PCCA: variants seen among roughly 807,000 people sequenced by gnomAD.
PCCA encodes propionyl-CoA carboxylase subunit alpha, also known as propionyl-CoA carboxylase alpha chain, mitochondrial.
Under a neutral mutation model 101.3 loss-of-function variants are expected in PCCA, and 74 were observed. That is an observed-to-expected ratio of 0.73 (90% CI 0.61 to 0.89). PCCA has a LOEUF of 0.89. Among genes scored for constraint, PCCA ranks in the 40% least tolerant of loss-of-function variants. PCCA has a pLI of 0.00. For synonymous variants in PCCA, 294 were observed against 313.6 expected (o/e 0.94, Z 0.66); for missense variants, 891 against 907.0 (o/e 0.98, Z 0.23).
chr13:100,217,071 T>C (rs1475067395), intron 7 of PCCA, among the ~76,000 whole-genome samples: 2 of 151,562 alleles, frequency 1.3e-5, no homozygotes, highest in Non-Finnish European at 1.5e-5. Flanking sequence ...ATCACGCCAT[T>C]GCACTCCAGC....
chr13:100,150,533 C>A (rs932139233), intron 4 of PCCA: 2 of 1,323,870 alleles, frequency 1.5e-6, no homozygotes, highest in Non-Finnish European at 2.1e-6. Flanking sequence ...AGCTCCCCGG[C>A]GAGAACCACC....
intron 19 of PCCA, among the ~76,000 whole-genome samples, chr13:100,371,624 C>A (rs1455982115): frequency 6.6e-6 from 1 of 152,152 alleles, no homozygotes; most frequent in African/African-American, 2.4e-5. Context: ...CTGAAGTGAT[C>A]TACAGATACA....
intron 12 of PCCA, among the ~76,000 whole-genome samples, chr13:100,285,588 T>C (rs1409667246): frequency 6.6e-6 from 1 of 152,124 alleles, no homozygotes; most frequent in African/African-American, 2.4e-5. Context: ...AATGGCATAC[T>C]AGGTGCCAAA....
At chr13:100,105,657 C>CAAAA (rs34277733) in intron 2 of PCCA, among the ~76,000 whole-genome samples, 14 of 75,842 alleles carry the variant, frequency 1.8e-4, no homozygotes, top group East Asian at 7.8e-4. Flanking sequence ...CTGTCTCTAC[C>CAAAA]AAAAAAAAAA....
intron 22 of PCCA, among the ~76,000 whole-genome samples, chr13:100,526,604 GGTGTGAGGGGCCAGGA>G (rs2087845953): frequency 6.6e-6 from 1 of 152,242 alleles, no homozygotes; most frequent in African/African-American, 2.4e-5. Context: ...TGGCCACAGT[GGTGTGAGGGGCCAGGA>G]GCCCCATGCC....
chr13:100,194,456 C>T lies in PCCA; in HGVS notation c.469-14876C>T, dbSNP rs558712555. On this transcript the variant is annotated intron_variant, in intron 6 of 23. Coordinates refer to ENST00000376285, the MANE Select transcript of PCCA (RefSeq NM_000282.4). ...TTTTTGAGACGGAGTCTCCCTCTGT[C>T]GCCCAGGCTGGAGTGCAGTGGTGCA... Among the ~76,000 whole-genome samples, 9 of 152,228 alleles carry T rather than the reference C, an allele frequency of 5.9e-5. No homozygotes were observed. In the East Asian group the frequency reaches 9.7e-4, roughly 16 times the overall value.
chr13:100,261,565 CA>C (rs2062520030), intron 9 of PCCA, among the ~76,000 whole-genome samples: 1 of 152,040 alleles, frequency 6.6e-6, no homozygotes. Context: ...GGGATTTCAT[CA>C]TGTTGGCCAG....
chr13:100,455,995 C>G (rs888183499), intron 21 of PCCA, among the ~76,000 whole-genome samples: 1 of 152,140 alleles, frequency 6.6e-6, no homozygotes, highest in Admixed American at 6.6e-5. Context: ...CCACCATGCC[C>G]GGCCATATGC....
intron 17 of PCCA, among the ~76,000 whole-genome samples, chr13:100,331,146 A>G (rs1171152461): frequency 1.3e-5 from 2 of 152,236 alleles, no homozygotes; most frequent in African/African-American, 2.4e-5. Flanking sequence ...GAAGTTTTCA[A>G]TAAAGTAATG....
At position 100,268,759 on chromosome 13, in the gene PCCA, A is replaced by G. The variant is rs2063109875; in HGVS notation, c.890A>G (p.Gln297Arg). The G allele has an allele frequency of 6.2e-7, 1 of 1,613,844 alleles. No homozygotes were observed. Residue 297 changes from glutamine (Q) to arginine (R), a missense_variant, in exon 11 of 24, where the codon CAG becomes CGG. By Grantham distance (43) the Gln-to-Arg change is conservative. Coordinates refer to ENST00000376285, the MANE Select transcript of PCCA (RefSeq NM_000282.4). Reference protein sequence around the residue: ...ERECSIQRRNQKVVEEAPSIF... With the variant: ...ERECSIQRRNRKVVEEAPSIF... ...GAGTGCTCAATTCAGAGAAGAAATC[A>G]GAAGGTGGTGGAGGAAGCACCAAGG...
At chr13:100,130,115 G>A (rs972586772) in intron 4 of PCCA, among the ~76,000 whole-genome samples, 1 of 152,166 alleles carries the variant, frequency 6.6e-6, no homozygotes, top group Non-Finnish European at 1.5e-5. Flanking sequence ...TCTCAAAATT[G>A]TGTTTTTGCT....
intron 21 of PCCA, among the ~76,000 whole-genome samples, chr13:100,458,361 TACACACACACACACAC>T (rs58649291): frequency 9.9e-6 from 1 of 101,376 alleles, no homozygotes; most frequent in Non-Finnish European, 1.9e-5. Context: ...ACCCCATCTC[TACACACACACACACAC>T]ACACACACAC....
intron 4 of PCCA, among the ~76,000 whole-genome samples, chr13:100,114,023 C>CT (rs1441570792): frequency 6.6e-6 from 1 of 151,722 alleles, no homozygotes; most frequent in Non-Finnish European, 1.5e-5. Context: ...ACTTTTTGAA[C>CT]TTTTTTGGTA....
rs1328234032 is a variant in PCCA at position 100,129,470 on chromosome 13, G to A, written c.300+17409G>A. On this transcript the variant is annotated intron_variant, in intron 4 of 23. Coordinates refer to ENST00000376285, the MANE Select transcript of PCCA (RefSeq NM_000282.4). ...ATGCTTCATCTTCTCCCTTCCCTTT[G>A]CTTCCTTGACCTTCCTCTTCCTCTC... 2.0e-5 allele frequency among the ~76,000 whole-genome samples: 3 copies of A among 151,930 alleles called. No homozygotes were observed. In the East Asian group the frequency reaches 5.8e-4, roughly 29 times the overall value.
intron 6 of PCCA, among the ~76,000 whole-genome samples, chr13:100,183,336 A>G (rs1434504464): frequency 6.6e-6 from 1 of 152,148 alleles, no homozygotes; most frequent in Non-Finnish European, 1.5e-5. Context: ...AGCTGGAAAG[A>G]CCTTGAAACT....
chr13:100,228,332 C>T (rs570212604), intron 7 of PCCA, among the ~76,000 whole-genome samples: 1 of 152,054 alleles, frequency 6.6e-6, no homozygotes. Flanking sequence ...ACTTTTCTTC[C>T]ACTTTGGGGA....
intron 20 of PCCA, among the ~76,000 whole-genome samples, chr13:100,428,970 G>T (rs940891740): frequency 1.3e-5 from 2 of 152,128 alleles, no homozygotes; most frequent in African/African-American, 2.4e-5. Context: ...AGCTTACGAG[G>T]TTTTTTTGGT....
At chr13:100,284,525 G>T (rs1055289558) in intron 12 of PCCA, among the ~76,000 whole-genome samples, 1 of 152,338 alleles carries the variant, frequency 6.6e-6, no homozygotes, top group Admixed American at 6.5e-5. Flanking sequence ...AAAGCTCAAG[G>T]CTTAGTGAGG....
chr13:100,160,271 G>A (rs950002585), intron 6 of PCCA, among the ~76,000 whole-genome samples: 1 of 152,120 alleles, frequency 6.6e-6, no homozygotes, highest in Non-Finnish European at 1.5e-5. Flanking sequence ...GGGAGGCTGA[G>A]GTGGGCAGAT....
Sources: allele counts gnomAD v4.1 joint callset (sites outside exome capture counted in the v4.1 genomes callset), GRCh38; gene constraint gnomAD v4.1.1; transcripts MANE v1.5; gene names NCBI Gene and HGNC (gene_info 2026-07-23, HGNC 2026-07-21).